Variants in RHOC observed in about 807,000 individuals in gnomAD.
RHOC encodes rho-related GTP-binding protein RhoC.
RHOC carries 13 observed loss-of-function variants against 19.5 expected under a neutral mutation model. The observed-to-expected ratio is 0.67, with a 90% CI of 0.43 to 1.06. RHOC has a LOEUF of 1.06. Among genes scored for constraint, RHOC ranks in the 50% least tolerant of loss-of-function variants. RHOC has a pLI of 0.00. For synonymous variants in RHOC, 106 were observed against 97.3 expected (o/e 1.09, Z -0.52); for missense variants, 173 against 256.9 (o/e 0.67, Z 2.23).
chr1:112,701,645 G>C lies in RHOC; in HGVS notation c.477C>G (p.Cys159Trp), dbSNP rs758818970. 6.2e-7 allele frequency: 1 copy of C among 1,613,968 alleles called. No individual in the cohort carries two copies. The highest frequency in any genetic ancestry group is 8.5e-7 in the Non-Finnish European group (1 of 1,180,008). ...GCACTCCCTCCTTGGTCTTGGCTGAGCACTCAAGGTAGCCAAAGGCACTGA... is the reference window on the plus strand; with the variant it reads ...GCACTCCCTCCTTGGTCTTGGCTGACCACTCAAGGTAGCCAAAGGCACTGA... ...NRISAFGYLE[C>W]SAKTKEGVRE... Residue 159 changes from cysteine (C) to tryptophan (W), a missense_variant, in exon 6 of 6, where the codon TGC becomes TGG. This residue lies in a region of RHOC where 81 missense variants were observed against 85.8 expected (regional missense o/e 0.94). Coordinates refer to ENST00000339083, the MANE Select transcript of RHOC (RefSeq NM_175744.5).
intron 5 of RHOC, 22 bp from the exon 6 acceptor site, chr1:112,701,735 G>T (rs1339966271): frequency 6.2e-7 from 1 of 1,612,878 alleles, no homozygotes; most frequent in East Asian, 2.2e-5. Flanking sequence ...TAAGATGAGG[G>T]GTCAAAGGAA....
intron 1 of RHOC, among the ~76,000 whole-genome samples, chr1:112,706,501 CACACACACA>C (rs1674890991): frequency 1.7e-5 from 1 of 59,544 alleles, no homozygotes; most frequent in African/African-American, 6.5e-5. Flanking sequence ...CACACACACA[CACACACACA>C]CACACACACA....
Position 112,701,304 on chromosome 1 carries a change from A to T in RHOC, c.*236T>A. ...GTGACCATCCTTTGGGGAAGGTCAA[A>T]GGGGGCAAGATCCCCAGGGGCCCTG... is the stretch of plus-strand genomic sequence containing the variant. On this transcript the variant is annotated 3_prime_UTR_variant, in exon 6 of 6. Coordinates refer to ENST00000339083, the MANE Select transcript of RHOC (RefSeq NM_175744.5). The T allele has an allele frequency of 1.7e-6, 2 of 1,199,524 alleles. No homozygotes were observed. Among genetic ancestry groups the T allele is most frequent in the Non-Finnish European group, 2.3e-6 (2 of 868,710 alleles). The allele number at this position is 1,199,524 out of a possible 1,614,324, so 74.3% of individuals were successfully genotyped here.
chr1:112,701,370 A>G lies in RHOC; in HGVS notation c.*170T>C. 6.6e-7 allele frequency: 1 copy of G among 1,517,330 alleles called. No homozygotes were observed. Among genetic ancestry groups the G allele is most frequent in the Non-Finnish European group, 8.9e-7 (1 of 1,129,024 alleles). The allele number at this position is 1,517,330 out of a possible 1,614,324, so 94.0% of individuals were successfully genotyped here. On this transcript the variant is annotated 3_prime_UTR_variant, in exon 6 of 6. Coordinates refer to ENST00000339083, the MANE Select transcript of RHOC (RefSeq NM_175744.5). ...TAGGCGTGGCTCCCAGAGCGCTGGG[A>G]GGGAGGGCCCGTGCCACCACCTCGG... is the stretch of plus-strand genomic sequence containing the variant.
At chr1:112,706,492 A>ACCCCCACACCC in intron 1 of RHOC, among the ~76,000 whole-genome samples, 1 of 30,004 alleles carries the variant, frequency 3.3e-5, no homozygotes, top group Admixed American at 4.2e-4. Flanking sequence ...ACACACACAC[A>ACCCCCACACCC]CACACACACA....
chr1:112,705,149 G>T lies in RHOC; in HGVS notation c.-57C>A. 1 of 702,464 alleles carries T rather than the reference G, an allele frequency of 1.4e-6. No homozygotes were observed. The highest frequency in any genetic ancestry group is 2.6e-6 in the Non-Finnish European group (1 of 384,898). 43.5% of individuals were successfully genotyped at this position (702,464 alleles called of 1,614,324 possible). On this transcript the variant is annotated 5_prime_UTR_variant, in exon 2 of 6. Coordinates refer to ENST00000339083, the MANE Select transcript of RHOC (RefSeq NM_175744.5). The stretch of plus-strand genomic sequence containing the variant: ...CTGCAGGAAGAGAGGGCGGGCTCTG[G>T]AGCTGAGATGAAGTCAAGGCTGTTG...
chr1:112,703,953 G>A (rs1674753572), intron 2 of RHOC, 147 bp from the exon 3 acceptor site: 3 of 692,146 alleles, frequency 4.3e-6, no homozygotes, highest in Non-Finnish European at 7.2e-6. Flanking sequence ...AACACCAATT[G>A]TGCGACAACA....
Position 112,701,383 on chromosome 1 carries a change from G to A in RHOC, c.*157C>T. On this transcript the variant is annotated 3_prime_UTR_variant, in exon 6 of 6. Transcript: ENST00000339083. ...CAGAGCGCTGGGAGGGAGGGCCCGTGCCACCACCTCGGGGCTAGAAAACAA... is the reference window on the plus strand; with the variant it reads ...CAGAGCGCTGGGAGGGAGGGCCCGTACCACCACCTCGGGGCTAGAAAACAA... 1.3e-6 allele frequency: 2 copies of A among 1,538,482 alleles called. No individual in the cohort carries two copies. Among genetic ancestry groups the A allele is most frequent in the Non-Finnish European group, 1.8e-6 (2 of 1,139,914 alleles).
chr1:112,704,993 G>A (rs1408485426), intron 2 of RHOC, 107 bp downstream of exon 2: 2 of 667,576 alleles, frequency 3.0e-6, no homozygotes, highest in South Asian at 1.6e-5. Flanking sequence ...CAGCTTCCCG[G>A]GCTTCCATGT....
Position 112,704,584 on chromosome 1 carries a change from C to T in RHOC, c.-8+516G>A, listed in dbSNP as rs555489099. 6 of 171,394 alleles carry T rather than the reference C, an allele frequency of 3.5e-5. No homozygotes were observed. The East Asian group carries it at 7.7e-4, about 22-fold the overall frequency. The allele number at this position is 171,394 out of a possible 1,614,324, so 10.6% of individuals were successfully genotyped here. A position where few individuals can be genotyped will look rare whatever the true frequency, so the allele number is the denominator to read the frequency against. On this transcript the variant is annotated intron_variant, in intron 2 of 5. Coordinates refer to ENST00000339083, the MANE Select transcript of RHOC (RefSeq NM_175744.5). ...TGTGTGACTCAAAGTCGTGCCTCTTCGACATGTCACCTCAGGGGCAGGAGG... is the reference window on the plus strand; with the variant it reads ...TGTGTGACTCAAAGTCGTGCCTCTTTGACATGTCACCTCAGGGGCAGGAGG...
intron 2 of RHOC, 67 bp downstream of exon 2, chr1:112,705,033 A>T (rs1674790944): frequency 1.4e-6 from 1 of 699,848 alleles, no homozygotes; most frequent in Admixed American, 2.0e-5. Flanking sequence ...CACAGCGAGC[A>T]TCTGCACAGT....
At chr1:112,702,924 C>T (rs947761643) in intron 4 of RHOC, 75 bp downstream of exon 4, 12 of 1,287,686 alleles carry the variant, frequency 9.3e-6, no homozygotes, top group Non-Finnish European at 1.3e-5. Context: ...CTGAAGATGA[C>T]TGAAGACAGG....
At chr1:112,705,692 T>G in intron 1 of RHOC, 1 of 456,160 alleles carries the variant, frequency 2.2e-6, no homozygotes. Context: ...GACGCTGGGA[T>G]TTCTTCCAAC....
Position 112,701,328 on chromosome 1 carries a change from T to G in RHOC, c.*212A>C, listed in dbSNP as rs887825672. 2 of 1,409,420 alleles carry G rather than the reference T, an allele frequency of 1.4e-6. No individual in the cohort carries two copies. Among genetic ancestry groups the G allele is most frequent in the Non-Finnish European group, 1.9e-6 (2 of 1,052,720 alleles). 87.3% of individuals were successfully genotyped at this position (1,409,420 alleles called of 1,614,324 possible). ...AAGGGGGCAAGATCCCCAGGGGCCCTGAGGAAGGGCAGGGCATAGGCGTGG... is the reference window on the plus strand; with the variant it reads ...AAGGGGGCAAGATCCCCAGGGGCCCGGAGGAAGGGCAGGGCATAGGCGTGG... On this transcript the variant is annotated 3_prime_UTR_variant, in exon 6 of 6. Transcript: ENST00000339083.
chr1:112,706,482 A>ACCCCCC (rs776494527), intron 1 of RHOC, among the ~76,000 whole-genome samples: 8 of 19,034 alleles, frequency 4.2e-4, no homozygotes, highest in African/African-American at 1.8e-3. Flanking sequence ...ACACACACAC[A>ACCCCCC]CACACACACA....
At position 112,707,082 on chromosome 1, in the gene RHOC, C is replaced by T. The variant is rs1217785535; in HGVS notation, c.-81G>A. The T allele has an allele frequency of 6.6e-6, 1 of 152,052 alleles. No homozygotes were observed. 9.4% of individuals were successfully genotyped at this position (152,052 alleles called of 1,614,324 possible). A position where few individuals can be genotyped will look rare whatever the true frequency, so the allele number is the denominator to read the frequency against. ...CGCAGCCCCGGCCCAGGGTACCTTC[C>T]GCTCCGCCGCCTCCAGCTGCGCGGC... On this transcript the variant is annotated 5_prime_UTR_variant, in exon 1 of 6. Coordinates refer to ENST00000339083, the MANE Select transcript of RHOC (RefSeq NM_175744.5).
At chr1:112,703,970 G>T (rs577166391) in intron 2 of RHOC, among the ~76,000 whole-genome samples, 164 bp from the exon 3 acceptor site, 19 of 152,356 alleles carry the variant, frequency 1.2e-4, no homozygotes, top group African/African-American at 4.6e-4. Context: ...AACAGAGCTT[G>T]AAATTCCTAA....
intron 5 of RHOC, 84 bp from the exon 6 acceptor site, chr1:112,701,797 A>T (rs1225090450): frequency 6.8e-7 from 1 of 1,461,682 alleles, no homozygotes; most frequent in African/African-American, 1.4e-5. Flanking sequence ...TAGCAGCTGG[A>T]ACAAATGCCT....
In RHOC at chr1:112,706,399, C is replaced by G. The variant is rs549069203; in HGVS notation, c.-77+679G>C. ...TTCGAGTATGAAGAAGGAGGATTCT[C>G]AATCTCATTTTCTCTCTCTCTCTCT... On this transcript the variant is annotated intron_variant, in intron 1 of 5. Coordinates refer to ENST00000339083, the MANE Select transcript of RHOC (RefSeq NM_175744.5). 2.0e-5 allele frequency: 3 copies of G among 150,586 alleles called. No homozygotes were observed. The East Asian group carries it at 5.9e-4, about 30-fold the overall frequency. The allele number at this position is 150,586 out of a possible 1,614,324, so 9.3% of individuals were successfully genotyped here. A position where few individuals can be genotyped will look rare whatever the true frequency, so the allele number is the denominator to read the frequency against.
Sources: allele counts gnomAD v4.1 joint callset (sites outside exome capture counted in the v4.1 genomes callset), GRCh38; gene constraint gnomAD v4.1.1; regional missense constraint gnomAD v4.1.1; transcripts MANE v1.5; gene names NCBI Gene and HGNC (gene_info 2026-07-23, HGNC 2026-07-21).